The following CCDC148 variants were observed in gnomAD, a reference collection of about 807,000 sequenced individuals.
CCDC148 encodes the protein coiled-coil domain containing 148.
Under a neutral mutation model 85.7 loss-of-function variants are expected in CCDC148, and 89 were observed. The ratio of observed to expected loss-of-function variants is 1.04; its 90% CI spans 0.87 to 1.24. The LOEUF (loss-of-function observed/expected upper bound fraction) is 1.24, where lower values mean the gene tolerates loss of function less well. CCDC148 is among the 50% of genes most tolerant of loss of function. The pLI is 0.00. For missense variants in CCDC148, 692 were observed against 671.7 expected (o/e 1.03, Z -0.33); for synonymous variants, 230 against 213.9 (o/e 1.08, Z -0.66).
intron 11 of CCDC148, among the ~76,000 whole-genome samples, chr2:158,198,578 C>T (rs1191192424): frequency 1.3e-5 from 2 of 152,134 alleles, no homozygotes; most frequent in African/African-American, 2.4e-5. Flanking sequence ...CATTTCATGC[C>T]TTTGTTTTCT....
chr2:158,410,687 T>C (rs1024011341), intron 1 of CCDC148, among the ~76,000 whole-genome samples: 1 of 152,198 alleles, frequency 6.6e-6, no homozygotes, highest in African/African-American at 2.4e-5. Context: ...CTTCTTTTTG[T>C]ATTGTGTATC....
chr2:158,291,320 A>G (rs1574559956), intron 9 of CCDC148, among the ~76,000 whole-genome samples: 1 of 152,172 alleles, frequency 6.6e-6, no homozygotes, highest in Admixed American at 6.5e-5. Flanking sequence ...TCACACAGGT[A>G]GACAAAAACT....
chr2:158,199,847 T>C (rs1456417862), intron 11 of CCDC148, among the ~76,000 whole-genome samples: 1 of 152,214 alleles, frequency 6.6e-6, no homozygotes, highest in Non-Finnish European at 1.5e-5. Context: ...TTGTGTCTCA[T>C]GATAATTAAA....
intron 2 of CCDC148, among the ~76,000 whole-genome samples, chr2:158,358,040 A>G (rs1380130758): frequency 6.6e-6 from 1 of 152,152 alleles, no homozygotes; most frequent in South Asian, 2.1e-4. Flanking sequence ...TAAGCCAAAA[A>G]CAGAATTCTA....
At chr2:158,429,449 AAG>A (rs1687238326) in intron 1 of CCDC148, among the ~76,000 whole-genome samples, 1 of 152,192 alleles carries the variant, frequency 6.6e-6, no homozygotes, top group Non-Finnish European at 1.5e-5. Flanking sequence ...ATATAATGTT[AAG>A]GTAAAGGATG....
At chr2:158,311,923 G>A (rs1574601772) in intron 8 of CCDC148, among the ~76,000 whole-genome samples, 1 of 152,130 alleles carries the variant, frequency 6.6e-6, no homozygotes. Context: ...GGGAAGAACA[G>A]GAATGGAGAG....
At chr2:158,420,961 T>C (rs1204609921) in intron 1 of CCDC148, among the ~76,000 whole-genome samples, 2 of 150,384 alleles carry the variant, frequency 1.3e-5, no homozygotes, top group East Asian at 1.9e-4. Context: ...AAAGAGACTT[T>C]AAACCAACAA....
chr2:158,343,437 T>C (rs762948640), intron 3 of CCDC148, among the ~76,000 whole-genome samples: 1 of 152,170 alleles, frequency 6.6e-6, no homozygotes, highest in Non-Finnish European at 1.5e-5. Flanking sequence ...GTAGGGTCGT[T>C]GTAAATATTA....
intron 2 of CCDC148, among the ~76,000 whole-genome samples, chr2:158,349,835 C>G (rs1038553686): frequency 5.3e-5 from 8 of 152,060 alleles, no homozygotes; most frequent in African/African-American, 1.9e-4. Context: ...TTCTCACTAA[C>G]TGAAATTCAA....
At chr2:158,266,339 T>C (rs956043800) in intron 9 of CCDC148, among the ~76,000 whole-genome samples, 1 of 152,162 alleles carries the variant, frequency 6.6e-6, no homozygotes, top group Non-Finnish European at 1.5e-5. Context: ...AGCCAGTTGC[T>C]GCCACATAGG....
intron 10 of CCDC148, among the ~76,000 whole-genome samples, chr2:158,242,414 C>T (rs552274672): frequency 6.6e-6 from 1 of 152,112 alleles, no homozygotes; most frequent in Admixed American, 6.6e-5. Flanking sequence ...CATGCATTTT[C>T]TTATCATACA....
Position 158,328,341 on chromosome 2 carries a change from A to T in CCDC148, c.764+10385T>A, listed in dbSNP as rs561866365. Among the ~76,000 whole-genome samples, 3 of 152,184 alleles carry T rather than the reference A, an allele frequency of 2.0e-5. No homozygotes were observed. The South Asian group carries it at 6.3e-4, about 32-fold the overall frequency. On this transcript the variant is annotated intron_variant, in intron 7 of 13. Transcript: ENST00000283233. ...ATACATGTCCCTACAAAGGACATGA[A>T]CTCATCATTTTTTATGGCTGCATAG...
At chr2:158,259,435 T>C (rs531455716) in intron 9 of CCDC148, among the ~76,000 whole-genome samples, 15 of 152,026 alleles carry the variant, frequency 9.9e-5, no homozygotes, top group South Asian at 8.3e-4. Context: ...TCAATAGATA[T>C]GTTTAAATGA....
Position 158,257,204 on chromosome 2 carries a change from C to A in CCDC148, c.1111-6292G>T, listed in dbSNP as rs149226682. On this transcript the variant is annotated intron_variant, in intron 9 of 13. Transcript: ENST00000283233. Reference sequence around the variant, plus strand: ...CTTCCTAAGCTTCATCTGTGCTTATCTGATGGGGAAAATAATCAGAAAACT... The same window carrying A: ...CTTCCTAAGCTTCATCTGTGCTTATATGATGGGGAAAATAATCAGAAAACT... 3.9e-3 allele frequency among the ~76,000 whole-genome samples: 597 copies of A among 151,714 alleles called. 4 individuals carry two copies. Among genetic ancestry groups the A allele is most frequent in the African/African-American group, 0.014 (577 of 41,450 alleles).
chr2:158,243,685 A>G (rs1212006635), intron 10 of CCDC148, among the ~76,000 whole-genome samples: 2 of 152,098 alleles, frequency 1.3e-5, no homozygotes, highest in African/African-American at 2.4e-5. Flanking sequence ...GACTAAAACA[A>G]AGGACTGTAT....
At chr2:158,337,700 T>C (rs190351950) in intron 7 of CCDC148, among the ~76,000 whole-genome samples, 23 of 152,228 alleles carry the variant, frequency 1.5e-4, no homozygotes, top group African/African-American at 5.5e-4. Flanking sequence ...CAACTTCAGG[T>C]AGAATCAGCT....
In CCDC148 at chr2:158,310,534, C is replaced by T. The variant is rs907629511; in HGVS notation, c.904-895G>A. On this transcript the variant is annotated intron_variant, in intron 8 of 13. Coordinates refer to ENST00000283233, the MANE Select transcript of CCDC148 (RefSeq NM_138803.4). Reference sequence around the variant, plus strand: ...GGGCCCCCCACCCCCCAGACGGGGCCGCCAGGTAGAGGCGCCCCCCACCTC... The same window carrying T: ...GGGCCCCCCACCCCCCAGACGGGGCTGCCAGGTAGAGGCGCCCCCCACCTC... Among the ~76,000 whole-genome samples the T allele has an allele frequency of 8.1e-5, 12 of 148,620 alleles. No individual in the cohort carries two copies. The South Asian group carries it at 2.0e-3, about 24-fold the overall frequency.
At chr2:158,178,407 G>A (rs994764913) in intron 12 of CCDC148, among the ~76,000 whole-genome samples, 7 of 152,108 alleles carry the variant, frequency 4.6e-5, no homozygotes, top group Admixed American at 4.6e-4. Flanking sequence ...TAGGCAAAGT[G>A]ATAGGAGGCT....
At position 158,456,414 on chromosome 2, in the gene CCDC148, C is replaced by T. The variant is rs377521022; in HGVS notation, c.25+1G>A. 1.2e-6 allele frequency: 2 copies of T among 1,611,682 alleles called. No individual in the cohort carries two copies. The highest frequency in any genetic ancestry group is 2.7e-5 in the African/African-American group (2 of 74,998). On this transcript the variant is annotated splice_donor_variant, in intron 1 of 13. Transcript: ENST00000283233. LOFTEE classifies it high-confidence loss of function. The stretch of plus-strand genomic sequence containing the variant: ...ATGGAAGGGATGGGGTGCAAACTCA[C>T]CTGGAGAAGCAGAAGCTGCACACAT...
Sources: gnomAD v4.1 joint callset for allele counts (sites outside exome capture counted in the v4.1 genomes callset) on GRCh38, gnomAD v4.1.1 for gene constraint, MANE v1.5 for transcripts, NCBI Gene and HGNC (gene_info 2026-07-23, HGNC 2026-07-21) for gene names.